The following PPM1H variants were observed in gnomAD, a reference collection of about 807,000 sequenced individuals.
PPM1H encodes the protein protein phosphatase, Mg2+/Mn2+ dependent 1H.
In PPM1H, 27 loss-of-function variants were observed where a neutral mutation model predicts 54.9. The observed-to-expected ratio is 0.49, with a 90% CI of 0.36 to 0.68. The LOEUF (loss-of-function observed/expected upper bound fraction) is 0.68, where lower values mean the gene tolerates loss of function less well. PPM1H is among the 30% of genes least tolerant of loss of function. PPM1H has a pLI of 0.00. For synonymous variants in PPM1H, 305 were observed against 270.8 expected (o/e 1.13, Z -1.24); for missense variants, 596 against 667.8 (o/e 0.89, Z 1.19).
At chr12:62,904,218 G>T (rs772785211) in intron 1 of PPM1H, among the ~76,000 whole-genome samples, 1 of 151,918 alleles carries the variant, frequency 6.6e-6, no homozygotes, top group African/African-American at 2.4e-5. Context: ...AGAGCTGTGG[G>T]GTACAAAATT....
intron 3 of PPM1H, among the ~76,000 whole-genome samples, chr12:62,795,948 C>T (rs750997827): frequency 6.6e-6 from 1 of 152,126 alleles, no homozygotes; most frequent in South Asian, 2.1e-4. Flanking sequence ...AGGCTGGTCT[C>T]GAACTCCTGG....
At chr12:62,855,358 C>A (rs560294353) in intron 1 of PPM1H, among the ~76,000 whole-genome samples, 1 of 152,164 alleles carries the variant, frequency 6.6e-6, no homozygotes, top group South Asian at 2.1e-4. Context: ...ACTACTAAGT[C>A]TAAAGTTGAG....
At chr12:62,784,378 A>T (rs1291938307) in intron 4 of PPM1H, among the ~76,000 whole-genome samples, 3 of 152,210 alleles carry the variant, frequency 2.0e-5, no homozygotes, top group Admixed American at 6.5e-5. Context: ...CAGATGTCTG[A>T]TGGTAAATCA....
chr12:62,842,032 A>G (rs1320202781), intron 1 of PPM1H, among the ~76,000 whole-genome samples: 1 of 152,196 alleles, frequency 6.6e-6, no homozygotes, highest in African/African-American at 2.4e-5. Flanking sequence ...TTAAATAAGG[A>G]AGTCTGTGCT....
At chr12:62,756,448 TGTACATAA>T (rs2076476298) in intron 4 of PPM1H, among the ~76,000 whole-genome samples, 2 of 152,066 alleles carry the variant, frequency 1.3e-5, no homozygotes, top group East Asian at 3.9e-4. Flanking sequence ...AAAAAAAAAT[TGTACATAA>T]GTAACATATA....
At chr12:62,849,766 T>A (rs1031451344) in intron 1 of PPM1H, among the ~76,000 whole-genome samples, 1 of 152,290 alleles carries the variant, frequency 6.6e-6, no homozygotes, top group Non-Finnish European at 1.5e-5. Context: ...TGGAATGCAT[T>A]CGTTTCCAGG....
intron 4 of PPM1H, among the ~76,000 whole-genome samples, chr12:62,780,404 G>C (rs1395796929): frequency 1.2e-4 from 18 of 152,106 alleles, no homozygotes. Flanking sequence ...AAGCTCAAGT[G>C]GTCCTCCTGC....
intron 1 of PPM1H, among the ~76,000 whole-genome samples, chr12:62,866,683 C>T (rs1869787463): frequency 6.6e-6 from 1 of 152,098 alleles, no homozygotes; most frequent in Admixed American, 6.5e-5. Context: ...AGGATGGGAA[C>T]CTCATGAGAG....
At chr12:62,906,130 G>T (rs1179292421) in intron 1 of PPM1H, among the ~76,000 whole-genome samples, 1 of 152,204 alleles carries the variant, frequency 6.6e-6, no homozygotes, top group Non-Finnish European at 1.5e-5. Flanking sequence ...TCAGTTATCA[G>T]CTGGTCAGAC....
At chr12:62,745,576 C>T (rs371013669) in intron 4 of PPM1H, among the ~76,000 whole-genome samples, 1 of 152,300 alleles carries the variant, frequency 6.6e-6, no homozygotes, top group African/African-American at 2.4e-5. Context: ...TACTAGGTGG[C>T]CCAACCACAT....
intron 1 of PPM1H, among the ~76,000 whole-genome samples, chr12:62,907,828 G>A (rs1306634386): frequency 2.0e-5 from 3 of 152,134 alleles, no homozygotes; most frequent in Non-Finnish European, 4.4e-5. Flanking sequence ...AACAACCAAT[G>A]CAGCTCCCAG....
chr12:62,736,169 C>G (rs1284491055), intron 5 of PPM1H, among the ~76,000 whole-genome samples: 1 of 152,184 alleles, frequency 6.6e-6, no homozygotes, highest in African/African-American at 2.4e-5. Flanking sequence ...ATAACGAATT[C>G]TACTTGGAGG....
intron 4 of PPM1H, among the ~76,000 whole-genome samples, chr12:62,745,387 T>C (rs933122825): frequency 3.3e-5 from 5 of 152,158 alleles, no homozygotes; most frequent in Non-Finnish European, 7.3e-5. Context: ...ATTTTTGTAT[T>C]ATTTGACTGT....
At chr12:62,864,413 G>A (rs1869704330) in intron 1 of PPM1H, among the ~76,000 whole-genome samples, 1 of 152,194 alleles carries the variant, frequency 6.6e-6, no homozygotes, top group South Asian at 2.1e-4. Context: ...TGGCCACTTA[G>A]CTGACATTCT....
intron 1 of PPM1H, among the ~76,000 whole-genome samples, chr12:62,900,252 A>G (rs1871125678): frequency 6.6e-6 from 1 of 152,184 alleles, no homozygotes; most frequent in South Asian, 2.1e-4. Flanking sequence ...CCTATGAGTG[A>G]GAACATGCGG....
rs1163715964 is a variant in PPM1H, at chr12:62,659,269, C to A, written c.1397+7909G>T. ...GTGTTCTAAAAAACCGTAAAAACTG[C>A]AAAAAAAAAAAAAAAAAAAAAAGAG... is the stretch of plus-strand genomic sequence containing the variant. On this transcript the variant is annotated intron_variant, in intron 9 of 9. Coordinates refer to ENST00000228705, the MANE Select transcript of PPM1H (RefSeq NM_020700.2). 8.8e-3 allele frequency: 806 copies of A among 91,542 alleles called. 15 individuals carry two copies. The highest frequency in any genetic ancestry group is 0.033 in the South Asian group (131 of 3,918). 5.7% of individuals were successfully genotyped at this position (91,542 alleles called of 1,614,324 possible). A position where few individuals can be genotyped will look rare whatever the true frequency, so the allele number is the denominator to read the frequency against.
chr12:62,666,507 A>G (rs80240773), intron 9 of PPM1H, among the ~76,000 whole-genome samples: 3,120 of 152,292 alleles, frequency 0.02, 99 homozygotes, highest in African/African-American at 0.069. Flanking sequence ...CAATTCTCCA[A>G]TGGATGACTA....
intron 9 of PPM1H, among the ~76,000 whole-genome samples, chr12:62,655,753 A>C (rs1236529166): frequency 6.6e-6 from 1 of 152,142 alleles, no homozygotes; most frequent in Non-Finnish European, 1.5e-5. Flanking sequence ...GAGCAGCCCT[A>C]GTGCCGTCAC....
At chr12:62,772,823 T>C (rs2076587053) in intron 4 of PPM1H, among the ~76,000 whole-genome samples, 1 of 152,124 alleles carries the variant, frequency 6.6e-6, no homozygotes, top group African/African-American at 2.4e-5. Flanking sequence ...CAGGCAGTAG[T>C]AGCGGGAGGC....
Sources: gnomAD v4.1 joint callset for allele counts (sites outside exome capture counted in the v4.1 genomes callset) on GRCh38, gnomAD v4.1.1 for gene constraint, MANE v1.5 for transcripts, NCBI Gene and HGNC (gene_info 2026-07-23, HGNC 2026-07-21) for gene names.